NBN: variants seen among roughly 807,000 people sequenced by gnomAD.
The protein encoded by NBN is nibrin, also known as Nijmegen breakage syndrome 1 (nibrin).
A neutral mutation model predicts 90.8 loss-of-function variants in NBN; 88 were observed. That is an observed-to-expected ratio of 0.97 (90% CI 0.82 to 1.16). The LOEUF (loss-of-function observed/expected upper bound fraction) is 1.16, where lower values mean the gene tolerates loss of function less well. NBN is among the 50% of genes most tolerant of loss of function. The pLI is 0.00. For synonymous variants in NBN, 328 were observed against 295.1 expected (o/e 1.11, Z -1.14); for missense variants, 894 against 869.6 (o/e 1.03, Z -0.35).
intron 8 of NBN, among the ~76,000 whole-genome samples, chr8:89,963,100 T>C (rs1413251875): frequency 1.3e-5 from 2 of 152,176 alleles, no homozygotes; most frequent in Non-Finnish European, 2.9e-5. Context: ...CTTACTCTAG[T>C]CTCTGCACAC....
chr8:89,955,117 T>C (rs767835162), intron 10 of NBN, among the ~76,000 whole-genome samples, 166 bp downstream of exon 10: 18 of 152,068 alleles, frequency 1.2e-4, no homozygotes, highest in Non-Finnish European at 1.8e-4. Flanking sequence ...GTCTAGTGGC[T>C]CTAGTGAAGG....
intron 8 of NBN, 27 bp downstream of exon 8, chr8:89,964,383 G>A (rs767397168): frequency 4.6e-5 from 74 of 1,611,844 alleles, no homozygotes; most frequent in East Asian, 8.9e-5. Flanking sequence ...AGTTGCTAAC[G>A]AATCAATAAA....
Position 89,946,059 on chromosome 8 carries a change from CT to C in NBN, c.2070+80del, listed in dbSNP as rs1463924857. 4 of 1,127,480 alleles carry C rather than the reference CT, an allele frequency of 3.5e-6. No individual in the cohort carries two copies. In the African/African-American group the frequency reaches 6.1e-5, roughly 17 times the overall value. 69.8% of individuals were successfully genotyped at this position (1,127,480 alleles called of 1,614,324 possible). On this transcript the variant is annotated intron_variant, in intron 13 of 15. Coordinates refer to ENST00000265433, the MANE Select transcript of NBN (RefSeq NM_002485.5). ...AAGTATCAGTTTTCAACATAAACTG[CT>C]TTTATCTTTGTTTAGCATCACTGGT...
chr8:89,946,596 A>T (rs1190528590), intron 12 of NBN: 1 of 317,624 alleles, frequency 3.1e-6, no homozygotes, highest in Non-Finnish European at 5.9e-6. Flanking sequence ...TCATCTCAGT[A>T]AACAATTTAC....
rs730881841 is a variant in NBN, at chr8:89,980,858, CAAG to C, written c.353_355del (p.Ser118del). On this transcript the variant is annotated inframe_deletion, in exon 4 of 16. Transcript: ENST00000265433. ...AGCAGTTTTCCCAGAGACATCTAAA[CAAG>C]AAGAGCATGCAACCAAAGGCTCATA... The C allele has an allele frequency of 2.2e-5, 36 of 1,612,322 alleles. No homozygotes were observed. In the Middle Eastern group the frequency reaches 4.9e-4, roughly 22 times the overall value.
intron 7 of NBN, among the ~76,000 whole-genome samples, chr8:89,967,559 T>A (rs1811313114): frequency 1.3e-5 from 2 of 152,176 alleles, no homozygotes; most frequent in Non-Finnish European, 1.5e-5. Context: ...TTCATCCAAT[T>A]CTGTGCAAGG....
Position 89,970,473 on chromosome 8 carries a change from A to T in NBN, c.787T>A (p.Phe263Ile), listed in dbSNP as rs1554563966. 3.1e-6 allele frequency: 5 copies of T among 1,614,008 alleles called. No homozygotes were observed. Among genetic ancestry groups the T allele is most frequent in the Non-Finnish European group, 4.2e-6 (5 of 1,179,888 alleles). The change falls in exon 7 of 16, where the codon TTT (phenylalanine) becomes ATT (isoleucine). Residue 263 changes from phenylalanine (F) to isoleucine (I), a missense_variant. Phe to Ile is a conservative substitution (Grantham distance 21, BLOSUM62 0). Coordinates refer to ENST00000265433, the MANE Select transcript of NBN (RefSeq NM_002485.5). ...ACAACACACGTTCCCGGAGCCAAAA[A>T]GAAATTATGTTCTTCTTCATTCTCT... ...TEENEEEHNF[F>I]LAPGTCVVDT...
chr8:89,976,177 T>C (rs1306536244), intron 5 of NBN, among the ~76,000 whole-genome samples: 1 of 152,094 alleles, frequency 6.6e-6, no homozygotes, highest in Non-Finnish European at 1.5e-5. Flanking sequence ...TTTTAGTATG[T>C]TGGTCCCACT....
chr8:89,975,790 A>G (rs1275584278), intron 5 of NBN, among the ~76,000 whole-genome samples: 2 of 152,242 alleles, frequency 1.3e-5, no homozygotes, highest in Admixed American at 6.5e-5. Flanking sequence ...CATGAAATAT[A>G]TCTACTAGTA....
intron 8 of NBN, among the ~76,000 whole-genome samples, chr8:89,961,395 T>C (rs1586070374): frequency 6.6e-6 from 1 of 152,122 alleles, no homozygotes; most frequent in Admixed American, 6.5e-5. Context: ...CTGAAAGAGG[T>C]GTGGAAACAA....
chr8:89,938,458 C>G (rs7013194), intron 14 of NBN, among the ~76,000 whole-genome samples: 4,229 of 152,134 alleles, frequency 0.028, 194 homozygotes, highest in African/African-American at 0.097. Flanking sequence ...CTCTCTCTCT[C>G]TCTCTATATG....
intron 14 of NBN, among the ~76,000 whole-genome samples, chr8:89,938,171 T>C (rs1809776301): frequency 6.6e-6 from 1 of 152,234 alleles, no homozygotes; most frequent in South Asian, 2.1e-4. Context: ...ATTTGTACCC[T>C]ATCCTCTCTA....
chr8:89,955,442 T>C lies in NBN; in HGVS notation c.1238A>G (p.Asn413Ser), dbSNP rs529340553. 86 of 1,613,894 alleles carry C rather than the reference T, an allele frequency of 5.3e-5. 2 individuals are homozygous for C. In the South Asian group the frequency reaches 8.5e-4, roughly 16 times the overall value. ...VKESCKTSSN[N>S]NSMVSNTLAK... Reference sequence around the variant, plus strand: ...CAAAGTATTTGATACCATACTATTATTATTAGAGCTTGTTTTGCAGGACTC... The same window carrying C: ...CAAAGTATTTGATACCATACTATTACTATTAGAGCTTGTTTTGCAGGACTC... Residue 413 changes from asparagine to serine, a missense_variant, in exon 10 of 16, where the codon AAT becomes AGT. Coordinates refer to ENST00000265433, the MANE Select transcript of NBN (RefSeq NM_002485.5).
chr8:89,945,338 T>C (rs1810138305), intron 13 of NBN, among the ~76,000 whole-genome samples: 1 of 152,140 alleles, frequency 6.6e-6, no homozygotes, highest in African/African-American at 2.4e-5. Flanking sequence ...TAGAAGAGAT[T>C]CTTCCCATCA....
chr8:89,945,706 ATAT>A (rs1306712894), intron 13 of NBN, among the ~76,000 whole-genome samples: 1 of 152,278 alleles, frequency 6.6e-6, no homozygotes, highest in Non-Finnish European at 1.5e-5. Context: ...TACTCAGCAT[ATAT>A]ATTTATATTG....
At chr8:89,941,390 TA>T (rs1182112004) in intron 14 of NBN, among the ~76,000 whole-genome samples, 5 of 152,194 alleles carry the variant, frequency 3.3e-5, no homozygotes, top group African/African-American at 4.8e-5. Flanking sequence ...GAAGTACTAA[TA>T]ATGTCCTCAC....
chr8:89,955,189 A>C (rs1290702962), intron 10 of NBN, 94 bp downstream of exon 10: 24 of 1,256,926 alleles, frequency 1.9e-5, no homozygotes, highest in African/African-American at 7.5e-5. Flanking sequence ...AAGCATACTT[A>C]ATCAGAACAG....
At chr8:89,961,529 C>G (rs563904386) in intron 8 of NBN, among the ~76,000 whole-genome samples, 1 of 151,996 alleles carries the variant, frequency 6.6e-6, no homozygotes, top group African/African-American at 2.4e-5. Flanking sequence ...AAGAGCCTTA[C>G]GAAGGAGGTA....
intron 8 of NBN, among the ~76,000 whole-genome samples, chr8:89,959,999 T>A (rs561787160): frequency 6.6e-6 from 1 of 152,202 alleles, no homozygotes; most frequent in Non-Finnish European, 1.5e-5. Context: ...GTTAGACTGG[T>A]GTATCCTTGA....
Sources: gnomAD v4.1 joint callset for allele counts (sites outside exome capture counted in the v4.1 genomes callset) on GRCh38, gnomAD v4.1.1 for gene constraint, MANE v1.5 for transcripts, NCBI Gene and HGNC (gene_info 2026-07-23, HGNC 2026-07-21) for gene names.